The following MLLT10 variants were observed in gnomAD, a reference collection of about 807,000 sequenced individuals.
MLLT10 encodes MLLT10 histone lysine methyltransferase DOT1L cofactor.
MLLT10 carries 30 observed loss-of-function variants against 129.1 expected under a neutral mutation model. The ratio of observed to expected loss-of-function variants is 0.23; its 90% CI spans 0.17 to 0.32. The LOEUF (loss-of-function observed/expected upper bound fraction) is 0.32. Ranked by LOEUF, MLLT10 falls within the 10% of genes least tolerant of loss-of-function variation. The pLI, the probability that MLLT10 is intolerant of heterozygous loss-of-function variation, is 1.00. For synonymous variants in MLLT10, 490 were observed against 446.4 expected, an observed-to-expected ratio of 1.10 and a Z score of -1.23; for missense variants, 1,119 against 1,268.3, an observed-to-expected ratio of 0.88 and a Z score of 1.79.
chr10:21,580,085 A>G (rs992081770), intron 3 of MLLT10, among the ~76,000 whole-genome samples: 3 of 148,310 alleles, frequency 2.0e-5, no homozygotes, highest in East Asian at 2.0e-4. Context: ...CAGTATTGCT[A>G]TTATATTACT....
At chr10:21,726,414 C>T in intron 15 of MLLT10, 59 bp downstream of exon 15, 2 of 1,224,884 alleles carry the variant, frequency 1.6e-6, no homozygotes, top group Admixed American at 3.8e-5. Context: ...TAATTTTTTT[C>T]CCCTTTTGGT....
At chr10:21,588,883 G>A (rs1462987480) in intron 4 of MLLT10, among the ~76,000 whole-genome samples, 2 of 151,102 alleles carry the variant, frequency 1.3e-5, no homozygotes, top group Non-Finnish European at 2.9e-5. Context: ...GAGTGCAGTG[G>A]CTTGATCTTG....
intron 13 of MLLT10, among the ~76,000 whole-genome samples, chr10:21,691,875 A>T (rs2053881763): frequency 6.6e-6 from 1 of 151,948 alleles, no homozygotes; most frequent in African/African-American, 2.4e-5. Context: ...GGTGCCAGGG[A>T]CTTAATAGAC....
chr10:21,615,449 C>T, intron 7 of MLLT10, among the ~76,000 whole-genome samples: 1 of 120,094 alleles, frequency 8.3e-6, no homozygotes, highest in South Asian at 2.6e-4. Context: ...AAGAGTGAGA[C>T]TCCGTCTCAA....
In MLLT10 at chr10:21,632,927, G is replaced by GATTT. The variant is rs968094743; in HGVS notation, c.699+15726_699+15729dup. ...TTATAATACATAACCTGATTTTAGAGATTTATTTAAATAAATAAATCTCTT... is the reference window on the plus strand; with the variant it reads ...TTATAATACATAACCTGATTTTAGAGATTTATTTATTTAAATAAATAAATCTCTT... On this transcript the variant is annotated intron_variant, in intron 8 of 22. Transcript: ENST00000307729. Among the ~76,000 whole-genome samples, 14 of 152,146 alleles carry GATTT rather than the reference G, an allele frequency of 9.2e-5. 1 individual carries two copies. The South Asian group carries it at 1.0e-3, about 11-fold the overall frequency.
chr10:21,734,374 G>A (rs981670637), intron 20 of MLLT10, among the ~76,000 whole-genome samples: 4 of 152,144 alleles, frequency 2.6e-5, no homozygotes, highest in African/African-American at 9.6e-5. Context: ...TGTGATGTCT[G>A]TTTTTAAATA....
At chr10:21,588,145 CA>C (rs745848248) in intron 4 of MLLT10, among the ~76,000 whole-genome samples, 6 of 152,150 alleles carry the variant, frequency 3.9e-5, no homozygotes, top group East Asian at 1.9e-4. Context: ...CAGCTCACTG[CA>C]ACCTCCACCT....
chr10:21,717,183 G>A (rs1216422149), intron 14 of MLLT10, among the ~76,000 whole-genome samples: 2 of 147,278 alleles, frequency 1.4e-5, no homozygotes, highest in East Asian at 2.1e-4. Context: ...AACCTGGGAG[G>A]CAGAGGTTGC....
rs1269889842 is a variant in MLLT10, at chr10:21,673,563, C to CAGA, written c.1266_1267insGAA (p.Ser422_Thr423insGlu). The CAGA allele has an allele frequency of 6.2e-7, 1 of 1,613,092 alleles. No individual in the cohort carries two copies. Among genetic ancestry groups the CAGA allele is most frequent in the Non-Finnish European group, 8.5e-7 (1 of 1,179,684 alleles). ...TTTAGTACCTTAATTGGCCTCCCTT[C>CAGA]AACCTCAGCTGTTACTTCACAGCCT... is the stretch of plus-strand genomic sequence containing the variant. On this transcript the variant is annotated inframe_insertion, in exon 11 of 23. Transcript: ENST00000307729.
In MLLT10 at chr10:21,719,496, G is replaced by A. The variant is rs2056983536; in HGVS notation, c.1878+5546G>A. On this transcript the variant is annotated intron_variant, in intron 14 of 22. Coordinates refer to ENST00000307729, the MANE Select transcript of MLLT10 (RefSeq NM_001195626.3). Reference sequence around the variant, plus strand: ...TGCTCTCTTATTACTAATTGTTACTGTTAAAATGAATTTCCCAATTATGTA... The same window carrying A: ...TGCTCTCTTATTACTAATTGTTACTATTAAAATGAATTTCCCAATTATGTA... 1.3e-5 allele frequency among the ~76,000 whole-genome samples: 2 copies of A among 152,294 alleles called. 1 individual carries two copies. The highest frequency in any genetic ancestry group is 4.1e-4 in the South Asian group (2 of 4,822).
intron 11 of MLLT10, 86 bp downstream of exon 11, chr10:21,674,005 A>G: frequency 1.0e-6 from 1 of 999,368 alleles, no homozygotes; most frequent in Admixed American, 3.2e-5. Flanking sequence ...TGTTGTTACG[A>G]TAATACTTGA....
At chr10:21,605,151 C>A (rs1182404621) in intron 5 of MLLT10, among the ~76,000 whole-genome samples, 2 of 151,734 alleles carry the variant, frequency 1.3e-5, no homozygotes, top group Non-Finnish European at 1.5e-5. Context: ...GCCTAGTCTA[C>A]CTTAAACATG....
intron 8 of MLLT10, among the ~76,000 whole-genome samples, chr10:21,628,214 C>G (rs1399164391): frequency 1.3e-5 from 2 of 152,142 alleles, no homozygotes; most frequent in Admixed American, 1.3e-4. Flanking sequence ...CTCCTGGTAA[C>G]AGATAACCAG....
intron 9 of MLLT10, among the ~76,000 whole-genome samples, chr10:21,654,187 A>G (rs1039037434): frequency 1.3e-5 from 2 of 152,162 alleles, no homozygotes; most frequent in African/African-American, 4.8e-5. Context: ...TATAGAGAGA[A>G]TGGGGGAGAA....
intron 8 of MLLT10, among the ~76,000 whole-genome samples, chr10:21,622,521 GA>G (rs2045987854): frequency 6.6e-6 from 1 of 152,112 alleles, no homozygotes; most frequent in Non-Finnish European, 1.5e-5. Flanking sequence ...AAAGGAACCA[GA>G]GCATATATTT....
intron 5 of MLLT10, among the ~76,000 whole-genome samples, chr10:21,606,842 C>G (rs1298746129): frequency 6.6e-6 from 1 of 152,112 alleles, no homozygotes; most frequent in Non-Finnish European, 1.5e-5. Flanking sequence ...AAAGTGGCAG[C>G]AAGGTTTGAG....
chr10:21,542,387 C>T (rs188358959), intron 3 of MLLT10, among the ~76,000 whole-genome samples: 8 of 152,092 alleles, frequency 5.3e-5, no homozygotes, highest in African/African-American at 1.9e-4. Context: ...TGGCTAACAT[C>T]TTAAAACCCC....
chr10:21,555,985 T>C (rs556252923), intron 3 of MLLT10, among the ~76,000 whole-genome samples: 1 of 151,324 alleles, frequency 6.6e-6, no homozygotes, highest in South Asian at 2.1e-4. Flanking sequence ...ACGGCCCTTT[T>C]TTTTTTTGGA....
chr10:21,614,784 A>G, intron 6 of MLLT10, 47 bp from the exon 7 acceptor site: 1 of 1,438,294 alleles, frequency 7.0e-7, no homozygotes, highest in Admixed American at 1.8e-5. Flanking sequence ...ATATACAGGT[A>G]CTGTGATTTT....
Sources: gnomAD v4.1 joint callset for allele counts (sites outside exome capture counted in the v4.1 genomes callset) on GRCh38, gnomAD v4.1.1 for gene constraint, MANE v1.5 for transcripts, NCBI Gene and HGNC (gene_info 2026-07-23, HGNC 2026-07-21) for gene names.